GATAD1: variants seen among roughly 807,000 people sequenced by gnomAD.
GATAD1 encodes GATA zinc finger domain-containing protein 1.
A neutral mutation model predicts 26.5 loss-of-function variants in GATAD1; 12 were observed. The observed-to-expected ratio is 0.45, with a 90% CI of 0.29 to 0.73. The LOEUF is 0.73. Ranked by LOEUF, GATAD1 falls within the 30% of genes least tolerant of loss-of-function variation. The probability of loss-of-function intolerance (pLI) is 0.10; values close to 1 mark genes in which losing one functional copy is unlikely to be tolerated. For synonymous variants in GATAD1, 129 were observed against 133.1 expected (o/e 0.97, Z 0.21); for missense variants, 266 against 342.1 (o/e 0.78, Z 1.75).
the GATAD1 span, chr7:92,468,461 G>A: frequency 1.1e-4 from 24 of 219,670 alleles, 1 homozygote; most frequent in African/African-American, 4.4e-4. Flanking sequence ...GGGGGTTGCC[G>A]TTGCCGGCTC....
chr7:92,448,016 C>G (rs1222394614), intron 1 of GATAD1, 38 bp downstream of exon 1: 6 of 1,202,902 alleles, frequency 5.0e-6, no homozygotes, highest in African/African-American at 1.6e-5. Context: ...CGGAGGCCGA[C>G]CAGGTGCTAG....
intron 3 of GATAD1, 129 bp downstream of exon 3, chr7:92,450,889 C>A: frequency 1.7e-6 from 1 of 586,582 alleles, no homozygotes. Flanking sequence ...TTTTTGTTCC[C>A]TTCTTAGCTG....
chr7:92,484,218 G>T, the GATAD1 span, among the ~76,000 whole-genome samples: 1 of 152,178 alleles, frequency 6.6e-6, no homozygotes, highest in African/African-American at 2.4e-5. Context: ...TTTAGGTCAG[G>T]TGTGAGTTGA....
the GATAD1 span, chr7:92,491,542 C>T: frequency 4.5e-5 from 53 of 1,174,024 alleles, no homozygotes; most frequent in Middle Eastern, 1.9e-4. Context: ...AAGATGTAAA[C>T]AATTTTAGTC....
At chr7:92,471,301 C>T in the GATAD1 span, 1 of 162,700 alleles carries the variant, frequency 6.1e-6, no homozygotes, top group African/African-American at 2.4e-5. Flanking sequence ...GGCGATAAGG[C>T]AGGGGATTAT....
At chr7:92,483,135 C>T in the GATAD1 span, among the ~76,000 whole-genome samples, 5 of 152,114 alleles carry the variant, frequency 3.3e-5, no homozygotes, top group African/African-American at 9.7e-5. Flanking sequence ...GATTGGCTGC[C>T]GGGTGAGTTG....
the GATAD1 span, among the ~76,000 whole-genome samples, chr7:92,480,587 T>C: frequency 6.6e-6 from 1 of 152,154 alleles, no homozygotes; most frequent in Non-Finnish European, 1.5e-5. Flanking sequence ...AGAATGGGCC[T>C]GTGAGGCTGG....
At chr7:92,485,336 A>T in the GATAD1 span, among the ~76,000 whole-genome samples, 5 of 152,182 alleles carry the variant, frequency 3.3e-5, no homozygotes, top group Non-Finnish European at 7.3e-5. Context: ...CATTGGAGCC[A>T]TATCATTTGT....
At chr7:92,478,873 C>G in the GATAD1 span, among the ~76,000 whole-genome samples, 1 of 152,310 alleles carries the variant, frequency 6.6e-6, no homozygotes, top group African/African-American at 2.4e-5. Flanking sequence ...TGTCATGGCC[C>G]CCTCCAGATA....
At chr7:92,474,368 A>G in the GATAD1 span, among the ~76,000 whole-genome samples, 1 of 152,244 alleles carries the variant, frequency 6.6e-6, no homozygotes, top group East Asian at 1.9e-4. Flanking sequence ...CGCTTCCTCA[A>G]TGCCTCCCTT....
In GATAD1 at chr7:92,456,553, C is replaced by A. The variant is rs760478435; in HGVS notation, c.801C>A (p.Asn267Lys). The A allele has an allele frequency of 6.2e-7, 1 of 1,609,330 alleles. No individual in the cohort carries two copies. Among genetic ancestry groups the A allele is most frequent in the East Asian group, 2.2e-5 (1 of 44,738 alleles). The change falls in exon 5 of 5, where the codon AAC becomes AAA. Residue 267 changes from asparagine to lysine, a missense_variant. Physicochemically the swap from Asn to Lys is moderately conservative, Grantham distance 94. Coordinates refer to ENST00000287957, the MANE Select transcript of GATAD1 (RefSeq NM_021167.5). ...TAACAATTAAGGAATCAGTTGCCAA[C>A]CATTTGTAGTTCACAAATTAAAACT... is the stretch of plus-strand genomic sequence containing the variant. ...PAITIKESVANHL is the reference protein window; with the variant it reads ...PAITIKESVAKHL
chr7:92,448,857 C>T lies in GATAD1; in HGVS notation c.355C>T (p.His119Tyr). The change falls in exon 2 of 5, where the codon CAT (histidine) becomes TAT (tyrosine). Residue 119 changes from histidine (H) to tyrosine (Y), a missense_variant. Physicochemically the swap from His to Tyr is moderately conservative, Grantham distance 83. Transcript: ENST00000287957. ...KVSTKGKGRR[H>Y]IFKLKNPIKA... The stretch of plus-strand genomic sequence containing the variant: ...CTCCACCAAAGGAAAAGGGAGAAGA[C>T]ATATATTTAAATTGAAAAATGTAAG... The T allele has an allele frequency of 5.6e-6, 9 of 1,611,276 alleles. No homozygotes were observed. Among genetic ancestry groups the T allele is most frequent in the Non-Finnish European group, 7.6e-6 (9 of 1,177,376 alleles).
downstream of GATAD1, among the ~76,000 whole-genome samples, chr7:92,464,216 A>G (rs1020076293): frequency 2.0e-5 from 3 of 152,196 alleles, no homozygotes; most frequent in African/African-American, 7.2e-5. Flanking sequence ...AAACAAGGCT[A>G]GGTGGAGATT....
chr7:92,449,572 A>T, intron 2 of GATAD1: 1 of 976,090 alleles, frequency 1.0e-6, no homozygotes, highest in East Asian at 1.1e-4. Context: ...CAGAACAGGA[A>T]TGTTTCACTT....
the GATAD1 span, chr7:92,493,227 A>C: frequency 1.6e-5 from 11 of 706,202 alleles, no homozygotes; most frequent in Admixed American, 5.4e-5. Context: ...TTAACCTTAT[A>C]TATCTAAAAA....
chr7:92,448,992 T>C, intron 2 of GATAD1, 115 bp downstream of exon 2: 1 of 1,199,506 alleles, frequency 8.3e-7, no homozygotes, highest in Non-Finnish European at 1.2e-6. Context: ...TTCCTTAGTA[T>C]TCTGGGGAAT....
chr7:92,491,489 C>G, the GATAD1 span: 1 of 1,606,170 alleles, frequency 6.2e-7, no homozygotes, highest in Admixed American at 1.7e-5. Flanking sequence ...ACTATCAGAG[C>G]TGGAACTTCC....
chr7:92,493,216 A>G, the GATAD1 span: 3 of 779,506 alleles, frequency 3.8e-6, no homozygotes, highest in Non-Finnish European at 4.1e-6. Context: ...TTCTTCATAA[A>G]TTAACCTTAT....
At chr7:92,480,656 G>T in the GATAD1 span, among the ~76,000 whole-genome samples, 1 of 152,166 alleles carries the variant, frequency 6.6e-6, no homozygotes, top group Non-Finnish European at 1.5e-5. Context: ...AGATTGATAG[G>T]CGGAAGTTTC....
Sources: allele counts gnomAD v4.1 joint callset (sites outside exome capture counted in the v4.1 genomes callset), GRCh38; gene constraint gnomAD v4.1.1; transcripts MANE v1.5; gene names NCBI Gene and HGNC (gene_info 2026-07-23, HGNC 2026-07-21).